The following TBC1D2 variants were observed in gnomAD, a reference collection of about 807,000 sequenced individuals.
TBC1D2 encodes TBC1 domain family member 2, also known as TBC1 domain family member 2A.
TBC1D2 carries 58 observed loss-of-function variants against 91.1 expected under a neutral mutation model. That is an observed-to-expected ratio of 0.64 (90% CI 0.52 to 0.79). TBC1D2 has a LOEUF of 0.79. Among genes scored for constraint, TBC1D2 ranks in the 30% least tolerant of loss-of-function variants. The pLI is 0.00. For synonymous variants in TBC1D2, 482 were observed against 511.5 expected, an observed-to-expected ratio of 0.94 and a Z score of 0.78; for missense variants, 1,080 against 1,208.3, an observed-to-expected ratio of 0.89 and a Z score of 1.57.
intron 9 of TBC1D2, among the ~76,000 whole-genome samples, chr9:98,204,965 T>C (rs960851155): frequency 1.3e-5 from 2 of 152,274 alleles, no homozygotes; most frequent in Non-Finnish European, 2.9e-5. Flanking sequence ...CACAGTACTC[T>C]TTCCCACTGA....
chr9:98,209,017 G>A lies in TBC1D2; in HGVS notation c.1801C>T (p.Pro601Ser). Residue 601 changes from proline to serine, a missense_variant, in exon 9 of 13, where the codon CCG becomes TCG. Transcript: ENST00000465784. ...AGGGCAGCCCAGCGCTCCCTCAGCG[G>A]CCGATCCACAGCCTCGAGGCCCAGC... ...HLLGLEAVDR[P>S]LRERWAALGD... 6.2e-7 allele frequency: 1 copy of A among 1,614,136 alleles called. No individual in the cohort carries two copies. The highest frequency in any genetic ancestry group is 8.5e-7 in the Non-Finnish European group (1 of 1,180,034).
intron 9 of TBC1D2, among the ~76,000 whole-genome samples, chr9:98,208,436 A>C (rs112046216): frequency 3.3e-5 from 5 of 152,276 alleles, no homozygotes; most frequent in African/African-American, 1.2e-4. Flanking sequence ...CATAACCTAG[A>C]TCCCTCGCAT....
intron 3 of TBC1D2, among the ~76,000 whole-genome samples, chr9:98,239,532 C>T (rs1170527738): frequency 2.0e-5 from 3 of 152,172 alleles, no homozygotes; most frequent in South Asian, 2.1e-4. Context: ...CCTACTTTAT[C>T]GTGGATTAAT....
intron 6 of TBC1D2, among the ~76,000 whole-genome samples, chr9:98,219,732 C>G (rs770281599): frequency 1.3e-5 from 2 of 152,194 alleles, no homozygotes; most frequent in Middle Eastern, 3.2e-3. Flanking sequence ...GATGTTATGA[C>G]GGCTATGATG....
intron 2 of TBC1D2, among the ~76,000 whole-genome samples, chr9:98,247,958 T>G (rs1377747360): frequency 6.6e-6 from 1 of 152,200 alleles, no homozygotes; most frequent in Non-Finnish European, 1.5e-5. Context: ...ATATCTGTTT[T>G]CTTGTAAGTG....
rs554168131 is a variant in TBC1D2 at position 98,199,094 on chromosome 9, T to C, written c.*287A>G. The C allele has an allele frequency of 3.5e-6, 2 of 573,368 alleles. No homozygotes were observed. The highest frequency in any genetic ancestry group is 3.7e-5 in the African/African-American group (2 of 53,586). 35.5% of individuals were successfully genotyped at this position (573,368 alleles called of 1,614,324 possible). On this transcript the variant is annotated 3_prime_UTR_variant, in exon 13 of 13. Transcript: ENST00000465784. ...ACCTAGAGAATGTTCCAGGTTACCC[T>C]ATAGAGGCAGTGCTCTTGCTTGTTT...
intron 6 of TBC1D2, among the ~76,000 whole-genome samples, chr9:98,220,287 C>G (rs1311407673): frequency 6.6e-6 from 1 of 152,226 alleles, no homozygotes; most frequent in East Asian, 1.9e-4. Context: ...GGCTGCCTCA[C>G]CTCACAGGGC....
intron 2 of TBC1D2, among the ~76,000 whole-genome samples, chr9:98,248,512 G>A (rs1441003215): frequency 6.6e-6 from 1 of 152,194 alleles, no homozygotes; most frequent in East Asian, 1.9e-4. Flanking sequence ...TGCCTCCCTA[G>A]AGGGCCCTGG....
In TBC1D2 at chr9:98,221,087, G is replaced by C. The variant is rs766205016; in HGVS notation, c.1120C>G (p.Arg374Gly). The change falls in exon 6 of 13, where the codon CGG becomes GGG. Residue 374 changes from arginine to glycine, a missense_variant. Coordinates refer to ENST00000465784, the MANE Select transcript of TBC1D2 (RefSeq NM_001267571.2). ...HKVRQIAELGRRVEALEQERE... is the reference protein window; with the variant it reads ...HKVRQIAELGGRVEALEQERE... ...TCCTGCTCCAGGGCCTCCACCCGCCGGCCCAGCTCCGCGATCTGCCGCACT... is the reference window on the plus strand; with the variant it reads ...TCCTGCTCCAGGGCCTCCACCCGCCCGCCCAGCTCCGCGATCTGCCGCACT... 3.7e-6 allele frequency: 6 copies of C among 1,609,274 alleles called. No homozygotes were observed. The East Asian group carries it at 1.3e-4, about 36-fold the overall frequency.
At chr9:98,220,432 G>A (rs1829066891) in intron 6 of TBC1D2, among the ~76,000 whole-genome samples, 1 of 152,182 alleles carries the variant, frequency 6.6e-6, no homozygotes, top group Non-Finnish European at 1.5e-5. Flanking sequence ...GCAGGCGCAG[G>A]ACTGTGGGGG....
intron 1 of TBC1D2, among the ~76,000 whole-genome samples, chr9:98,253,160 G>A (rs894117691): frequency 2.6e-5 from 4 of 152,152 alleles, no homozygotes; most frequent in African/African-American, 4.8e-5. Context: ...ATACAGGGGT[G>A]AGCCAACACA....
chr9:98,205,781 C>G (rs1346209347), intron 9 of TBC1D2, among the ~76,000 whole-genome samples: 1 of 152,064 alleles, frequency 6.6e-6, no homozygotes, highest in Non-Finnish European at 1.5e-5. Flanking sequence ...CAGGCTGTCT[C>G]AAACTCCTGG....
chr9:98,206,827 C>T (rs942573404), intron 9 of TBC1D2, among the ~76,000 whole-genome samples: 3 of 152,352 alleles, frequency 2.0e-5, no homozygotes, highest in Admixed American at 6.5e-5. Context: ...GTGTTAAACA[C>T]CTGGCATCCA....
At position 98,201,667 on chromosome 9, in the gene TBC1D2, G is replaced by A. The variant is rs1214272544; in HGVS notation, c.2272-3C>T. 1 of 1,607,814 alleles carries A rather than the reference G, an allele frequency of 6.2e-7. No homozygotes were observed. Among genetic ancestry groups the A allele is most frequent in the African/African-American group, 1.3e-5 (1 of 74,980 alleles). On this transcript the variant is annotated splice_region_variant and splice_polypyrimidine_tract_variant and intron_variant, in intron 10 of 12. Coordinates refer to ENST00000465784, the MANE Select transcript of TBC1D2 (RefSeq NM_001267571.2). ...TCCTGGAGCACCCGCTGGTCCACCT[G>A]GAAGCCAGCGAGAGGGCCTGTCATC...
At chr9:98,203,192 A>G (rs1413483622) in intron 10 of TBC1D2, 96 bp downstream of exon 10, 18 of 1,540,628 alleles carry the variant, frequency 1.2e-5, no homozygotes, top group Admixed American at 5.7e-5. Context: ...TGGAAGCCCG[A>G]GAGATTCCCA....
chr9:98,226,072 G>A (rs888551382), intron 5 of TBC1D2, among the ~76,000 whole-genome samples: 4 of 152,312 alleles, frequency 2.6e-5, no homozygotes, highest in Admixed American at 1.3e-4. Context: ...GATGGACAGC[G>A]GCTCTCCTAG....
chr9:98,243,559 A>C (rs1392339216), intron 3 of TBC1D2, among the ~76,000 whole-genome samples: 4 of 134,886 alleles, frequency 3.0e-5, no homozygotes, highest in Non-Finnish European at 6.1e-5. Context: ...TTTTTGAGAC[A>C]GAGTCTCACT....
intron 2 of TBC1D2, among the ~76,000 whole-genome samples, chr9:98,250,851 C>G (rs1368957393): frequency 1.3e-5 from 2 of 152,136 alleles, no homozygotes; most frequent in Admixed American, 6.5e-5. Flanking sequence ...CAATCATGTT[C>G]CTGGCTGCAG....
chr9:98,232,441 T>C (rs10760210), intron 4 of TBC1D2, among the ~76,000 whole-genome samples: 65,453 of 150,080 alleles, frequency 0.44, 17,019 homozygotes, highest in African/African-American at 0.74. Context: ...CAGCTGAGCA[T>C]CCCAAGTAGC....
Sources: gnomAD v4.1 joint callset for allele counts (sites outside exome capture counted in the v4.1 genomes callset) on GRCh38, gnomAD v4.1.1 for gene constraint, MANE v1.5 for transcripts, NCBI Gene and HGNC (gene_info 2026-07-23, HGNC 2026-07-21) for gene names.